Variants in CROCC observed in about 807,000 individuals in gnomAD.
CROCC encodes rootletin.
Under a neutral mutation model 245.2 loss-of-function variants are expected in CROCC, and 180 were observed. That is an observed-to-expected ratio of 0.73 (90% CI 0.65 to 0.83). CROCC has a LOEUF of 0.83. Ranked by LOEUF, CROCC falls within the 40% of genes least tolerant of loss-of-function variation. The pLI, the probability that CROCC is intolerant of heterozygous loss-of-function variation, is 0.00. For synonymous variants in CROCC, 1,205 were observed against 1,241.6 expected, an observed-to-expected ratio of 0.97 and a Z score of 0.62; for missense variants, 2,688 against 2,779.4, an observed-to-expected ratio of 0.97 and a Z score of 0.74.
chr1:16,941,553 C>T (rs1452280021), intron 13 of CROCC: 1 of 152,508 alleles, frequency 6.6e-6, no homozygotes, highest in Non-Finnish European at 1.5e-5. Context: ...ACAGTGAAAC[C>T]CCGTCTCTAC....
chr1:16,964,111 TTTTTCTTTTC>T (rs146533863), intron 27 of CROCC, among the ~76,000 whole-genome samples: 1 of 148,426 alleles, frequency 6.7e-6, no homozygotes, highest in Non-Finnish European at 1.5e-5. Context: ...CACTTTTTTC[TTTTTCTTTTC>T]TTTTCTTTTT....
chr1:16,967,493 GA>G (rs1309686808), intron 30 of CROCC, among the ~76,000 whole-genome samples: 2 of 152,218 alleles, frequency 1.3e-5, no homozygotes, highest in Non-Finnish European at 2.9e-5. Flanking sequence ...GCTGCAGGAG[GA>G]GGCCAGGAAC....
intron 27 of CROCC, 137 bp downstream of exon 27, chr1:16,961,267 A>T (rs2100528083): frequency 1.2e-6 from 1 of 860,948 alleles, no homozygotes; most frequent in Non-Finnish European, 1.5e-6. Context: ...ACTGAGGTCC[A>T]CTTCTTAGCC....
intron 2 of CROCC, among the ~76,000 whole-genome samples, chr1:16,924,119 G>C (rs1332108408): frequency 1.3e-5 from 2 of 152,280 alleles, no homozygotes; most frequent in Non-Finnish European, 2.9e-5. Context: ...CCACACTTTA[G>C]CTGGAGTTGT....
rs761524383 is a variant in CROCC, at chr1:16,930,054, C to A, written c.537+23C>A. On this transcript the variant is annotated intron_variant, in intron 4 of 36. Transcript: ENST00000375541. ...AAGGTCAGGACCACCCACTCCTGCT[C>A]CTGTCCTCCCACCTGTTCACTTTGC... 4 of 1,566,114 alleles carry A rather than the reference C, an allele frequency of 2.6e-6. No homozygotes were observed. The African/African-American group carries it at 5.4e-5, about 21-fold the overall frequency.
Position 16,958,617 on chromosome 1 carries a change from G to C in CROCC, c.3899G>C (p.Gly1300Ala), listed in dbSNP as rs1444474833. 15 of 1,554,714 alleles carry C rather than the reference G, an allele frequency of 9.6e-6. No individual in the cohort carries two copies. The highest frequency in any genetic ancestry group is 2.4e-5 in the South Asian group (2 of 84,340). ...CTGGACAGTGAGAACACCAGACTGG[G>C]CCGGGAGCTGGCGGAGCTGCAGGGC... The part of the protein sequence containing the change: ...KMLDSENTRL[G>A]RELAELQGRL... The change falls in exon 26 of 37, where the codon GGC becomes GCC. Residue 1300 changes from glycine to alanine, a missense_variant. Gly to Ala is a moderately conservative substitution (Grantham distance 60, BLOSUM62 0). This residue lies in a region of CROCC where 1,218 missense variants were observed against 1,286.3 expected (regional missense o/e 0.95). Transcript: ENST00000375541.
Position 16,930,478 on chromosome 1 carries a change from C to G in CROCC, c.733C>G (p.Gln245Glu), listed in dbSNP as rs1570603180. The change falls in exon 7 of 37, where the codon CAG (glutamine) becomes GAG (glutamate). Residue 245 changes from glutamine to glutamate, a missense_variant. Physicochemically the swap from Gln to Glu is conservative, Grantham distance 29. This residue lies in a region of CROCC where 972 missense variants were observed against 895.3 expected (regional missense o/e 1.09). Coordinates refer to ENST00000375541, the MANE Select transcript of CROCC (RefSeq NM_014675.5). ...TGCCATGCTCCGAGAACAGCTGGAC[C>G]AGGCAGGCTCGGCCAACCAGGCTCT... The part of the protein sequence containing the change: ...VNAMLREQLD[Q>E]AGSANQALSE... 1.9e-6 allele frequency: 3 copies of G among 1,612,332 alleles called. No individual in the cohort carries two copies. The highest frequency in any genetic ancestry group is 1.7e-5 in the Admixed American group (1 of 60,006).
chr1:16,961,002 G>T lies in CROCC; in HGVS notation c.4277G>T (p.Arg1426Leu). 1 of 1,307,354 alleles carries T rather than the reference G, an allele frequency of 7.6e-7. No individual in the cohort carries two copies. 81.0% of individuals were successfully genotyped at this position (1,307,354 alleles called of 1,614,324 possible). A position where few individuals can be genotyped will look rare whatever the true frequency, so the allele number is the denominator to read the frequency against. ...GAGCTGGCCCGCGTGGAGGTGCAGC[G>T]GCGCGCGGCGGAGGCCCAGCTGGGT... ...EAELARVEVQ[R>L]RAAEAQLGGL... The change falls in exon 27 of 37, where the codon CGG (arginine) becomes CTG (leucine). Residue 1426 changes from arginine (R) to leucine (L), a missense_variant. By Grantham distance (102) the Arg-to-Leu change is moderately radical. This residue lies in a region of CROCC where 1,218 missense variants were observed against 1,286.3 expected (regional missense o/e 0.95). Transcript: ENST00000375541.
At chr1:16,956,194 T>TAA in intron 25 of CROCC, 38 bp downstream of exon 25, 2 of 1,492,004 alleles carry the variant, frequency 1.3e-6, no homozygotes, top group Non-Finnish European at 1.8e-6. Context: ...TGGGGCTTGC[T>TAA]GTGTGCCCCG....
chr1:16,969,341 G>A lies in CROCC; in HGVS notation c.5301+1G>A. 4 of 1,609,084 alleles carry A rather than the reference G, an allele frequency of 2.5e-6. No homozygotes were observed. Among genetic ancestry groups the A allele is most frequent in the Non-Finnish European group, 3.4e-6 (4 of 1,178,466 alleles). Reference sequence around the variant, plus strand: ...TGAACATGACCGCCAAGTACTCCAGGTCTCGGGCCCAGGGTCTGGCTGGGG... The same window carrying A: ...TGAACATGACCGCCAAGTACTCCAGATCTCGGGCCCAGGGTCTGGCTGGGG... On this transcript the variant is annotated splice_donor_variant, in intron 32 of 36. Transcript: ENST00000375541. LOFTEE classifies it high-confidence loss of function.
Position 16,968,178 on chromosome 1 carries a change from G to A in CROCC, c.4861-25G>A, listed in dbSNP as rs1006493652. On this transcript the variant is annotated intron_variant, in intron 30 of 36. Transcript: ENST00000375541. The stretch of plus-strand genomic sequence containing the variant: ...GGCTGCGGGGTGCACTGGACGTCTG[G>A]GCCTGAGCCCCATGCCACCTGCAGG... The A allele has an allele frequency of 5.8e-6, 9 of 1,549,942 alleles. No individual in the cohort carries two copies. The African/African-American group carries it at 8.2e-5, about 14-fold the overall frequency.
chr1:16,938,875 GCAGCCTCCTT>G (rs1194985601), intron 11 of CROCC, 24 bp from the exon 12 acceptor site: 3 of 1,594,676 alleles, frequency 1.9e-6, no homozygotes, highest in Non-Finnish European at 2.6e-6. Context: ...TCCTAACTCA[GCAGCCTCCTT>G]CTGCCTCCCT....
chr1:16,928,819 A>T (rs1570596778), intron 3 of CROCC, among the ~76,000 whole-genome samples: 1 of 151,878 alleles, frequency 6.6e-6, no homozygotes, highest in African/African-American at 2.4e-5. Flanking sequence ...ATAAATAAAT[A>T]AAATAAAATA....
chr1:16,914,257 C>A (rs1245097208), intron 1 of CROCC, among the ~76,000 whole-genome samples: 1 of 152,128 alleles, frequency 6.6e-6, no homozygotes, highest in Admixed American at 6.5e-5. Flanking sequence ...CTGTGTGTTC[C>A]GCGACTGCCG....
At chr1:16,925,725 C>T (rs1452291268) in intron 3 of CROCC, among the ~76,000 whole-genome samples, 1 of 152,270 alleles carries the variant, frequency 6.6e-6, no homozygotes, top group Admixed American at 6.5e-5. Flanking sequence ...TGGGGTGTGC[C>T]CGTGTCCTGG....
At chr1:16,938,860 G>A (rs747123824) in intron 11 of CROCC, 49 bp from the exon 12 acceptor site, 9 of 1,564,626 alleles carry the variant, frequency 5.8e-6, no homozygotes, top group Admixed American at 3.7e-5. Flanking sequence ...AGCTAACCCC[G>A]CGGTTCCTAA....
In CROCC at chr1:16,946,975, A is replaced by G; in HGVS notation, c.2498A>G (p.Gln833Arg). The change falls in exon 17 of 37, where the codon CAG (glutamine) becomes CGG (arginine). Residue 833 changes from glutamine (Q) to arginine (R), a missense_variant. Physicochemically the swap from Gln to Arg is conservative, Grantham distance 43 (BLOSUM62 1). Transcript: ENST00000375541. ...PTLRHERSQL[Q>R]EQLAQLSRQL... ...CTGCGCCATGAGCGCAGCCAGCTGCAGGAGCAGCTAGCGCAGGTGGGCAAA... is the reference window on the plus strand; with the variant it reads ...CTGCGCCATGAGCGCAGCCAGCTGCGGGAGCAGCTAGCGCAGGTGGGCAAA... 6.4e-7 allele frequency: 1 copy of G among 1,553,114 alleles called. No homozygotes were observed. The highest frequency in any genetic ancestry group is 1.2e-5 in the South Asian group (1 of 84,132).
In CROCC at chr1:16,970,729, G is replaced by C. The variant is rs1342856196; in HGVS notation, c.5746G>C (p.Glu1916Gln). 5 of 1,604,302 alleles carry C rather than the reference G, an allele frequency of 3.1e-6. No homozygotes were observed. In the African/African-American group the frequency reaches 6.7e-5, roughly 22 times the overall value. ...CCGCACCCTCACGGGGGCTGAGCTGGAGCTGGCAGAGGCGCAGAGGCAGAT... is the reference window on the plus strand; with the variant it reads ...CCGCACCCTCACGGGGGCTGAGCTGCAGCTGGCAGAGGCGCAGAGGCAGAT... The part of the protein sequence containing the change: ...LDRTLTGAEL[E>Q]LAEAQRQIQQ... The change falls in exon 35 of 37, where the codon GAG (glutamate) becomes CAG (glutamine). Residue 1916 changes from glutamate (E) to glutamine (Q), a missense_variant. Physicochemically the swap from Glu to Gln is conservative, Grantham distance 29. This residue lies in a region of CROCC where 1,218 missense variants were observed against 1,286.3 expected (regional missense o/e 0.95). Coordinates refer to ENST00000375541, the MANE Select transcript of CROCC (RefSeq NM_014675.5).
chr1:16,943,683 AG>A (rs1209028997), intron 13 of CROCC, among the ~76,000 whole-genome samples: 1 of 152,264 alleles, frequency 6.6e-6, no homozygotes, highest in Non-Finnish European at 1.5e-5. Context: ...GTGCCTGTGT[AG>A]CAGGAAGCTG....
Sources: gnomAD v4.1 joint callset for allele counts (sites outside exome capture counted in the v4.1 genomes callset) on GRCh38, gnomAD v4.1.1 for gene constraint, gnomAD v4.1.1 regional missense constraint, MANE v1.5 for transcripts, NCBI Gene and HGNC (gene_info 2026-07-23, HGNC 2026-07-21) for gene names.